The following MDN1 variants were observed in gnomAD, a reference collection of about 807,000 sequenced individuals.
MDN1 encodes midasin AAA ATPase 1.
In MDN1, 266 loss-of-function variants were observed where a neutral mutation model predicts 669.2. That is an observed-to-expected ratio of 0.40 (90% CI 0.36 to 0.44). The LOEUF (loss-of-function observed/expected upper bound fraction) is 0.44. Among genes scored for constraint, MDN1 ranks in the 20% least tolerant of loss-of-function variants. The probability of loss-of-function intolerance (pLI) is 1.00; values close to 1 mark genes in which losing one functional copy is unlikely to be tolerated. For synonymous variants in MDN1, 2,385 were observed against 2,457.1 expected, an observed-to-expected ratio of 0.97 and a Z score of 0.87; for missense variants, 5,940 against 6,754.0, an observed-to-expected ratio of 0.88 and a Z score of 4.22.
intron 84 of MDN1, 60 bp downstream of exon 84, chr6:89,667,954 T>C (rs1810378660): frequency 6.3e-7 from 1 of 1,583,630 alleles, no homozygotes; most frequent in Non-Finnish European, 8.6e-7. Context: ...ATGTGTAACT[T>C]ACATGTTGAA....
At chr6:89,781,353 AAAAAAAAAAGAAAGAAAG>A (rs1818661970) in intron 10 of MDN1, 28 bp downstream of exon 10, 1 of 1,113,100 alleles carries the variant, frequency 9.0e-7, no homozygotes, top group Non-Finnish European at 1.3e-6. Context: ...TCTGTCTCAC[AAAAAAAAAAGAAAGAAAG>A]AAAAGAAAAA....
At chr6:89,731,439 A>G (rs1815585939) in intron 34 of MDN1, among the ~76,000 whole-genome samples, 4 of 152,204 alleles carry the variant, frequency 2.6e-5, no homozygotes, top group Admixed American at 2.6e-4. Context: ...GCCATAAAAA[A>G]TAAGTGCATG....
At chr6:89,739,614 T>C (rs1435044871) in intron 32 of MDN1, among the ~76,000 whole-genome samples, 1 of 152,222 alleles carries the variant, frequency 6.6e-6, no homozygotes, top group Non-Finnish European at 1.5e-5. Context: ...CACATAGTGC[T>C]GACTTCTCCA....
intron 22 of MDN1, 88 bp from the exon 23 acceptor site, chr6:89,751,670 A>G (rs1189306975): frequency 1.4e-6 from 2 of 1,395,024 alleles, no homozygotes; most frequent in Non-Finnish European, 2.0e-6. Context: ...CACTTGTTGA[A>G]CAAGCTGTCT....
At chr6:89,749,045 T>C (rs544756342) in intron 26 of MDN1, among the ~76,000 whole-genome samples, 178 bp downstream of exon 26, 36 of 151,346 alleles carry the variant, frequency 2.4e-4, no homozygotes, top group South Asian at 8.3e-4. Context: ...GCCAGGAGAG[T>C]AGAGTGAGAC....
In MDN1 at chr6:89,672,706, G is replaced by C. The variant is rs1397404664; in HGVS notation, c.13475-4C>G. On this transcript the variant is annotated splice_region_variant and splice_polypyrimidine_tract_variant and intron_variant, in intron 80 of 101. Transcript: ENST00000369393. ...CCTTCGTCCAACATTTGATTTCCTA[G>C]CAGGTAACATGGTGCAAAACAAACA... 6 of 1,613,102 alleles carry C rather than the reference G, an allele frequency of 3.7e-6. No individual in the cohort carries two copies. The highest frequency in any genetic ancestry group is 3.3e-5 in the South Asian group (3 of 90,992).
chr6:89,652,927 T>C, intron 94 of MDN1, 65 bp downstream of exon 94: 2 of 1,497,536 alleles, frequency 1.3e-6, no homozygotes, highest in Non-Finnish European at 1.8e-6. Flanking sequence ...TTAAAACCAG[T>C]TTAAAATTTT....
chr6:89,769,753 A>T (rs1187494228), intron 15 of MDN1, among the ~76,000 whole-genome samples: 1 of 152,220 alleles, frequency 6.6e-6, no homozygotes, highest in Non-Finnish European at 1.5e-5. Flanking sequence ...CGTGTCATCA[A>T]TTTGCATCAC....
At chr6:89,817,673 T>A (rs1047454467) in intron 1 of MDN1, among the ~76,000 whole-genome samples, 3 of 152,042 alleles carry the variant, frequency 2.0e-5, no homozygotes, top group Non-Finnish European at 4.4e-5. Context: ...ACAACAGACA[T>A]TAACAACGGG....
intron 2 of MDN1, among the ~76,000 whole-genome samples, chr6:89,795,692 AC>A (rs57600100): frequency 0.043 from 6,528 of 152,192 alleles, 628 homozygotes; most frequent in East Asian, 0.38. Flanking sequence ...GGTGGCTCAC[AC>A]CCGTAATCCC....
chr6:89,688,934 C>A (rs1318470017), intron 65 of MDN1, 126 bp from the exon 66 acceptor site: 2 of 743,072 alleles, frequency 2.7e-6, no homozygotes, highest in Non-Finnish European at 4.4e-6. Flanking sequence ...CTTTGGGGAG[C>A]CGAGGCAGGC....
chr6:89,756,280 A>G lies in MDN1; in HGVS notation c.2813T>C (p.Ile938Thr), dbSNP rs777857519. ...AGACATACAAAAGGGAACCTACTTT[A>G]TGATTCCTTGCACTGTATTCTTGTT... ...SVNKNTVQGI[I>T]NFYTALRKES... Residue 938 changes from isoleucine to threonine, a missense_variant, in exon 20 of 102, where the codon ATA (isoleucine) becomes ACA (threonine). Transcript: ENST00000369393. 6.6e-7 allele frequency: 1 copy of G among 1,509,658 alleles called. No homozygotes were observed. The allele number at this position is 1,509,658 out of a possible 1,614,324, so 93.5% of individuals were successfully genotyped here. A position where few individuals can be genotyped will look rare whatever the true frequency, so the allele number is the denominator to read the frequency against.
In MDN1 at chr6:89,749,288, G is replaced by C; in HGVS notation, c.3697C>G (p.His1233Asp). The change falls in exon 26 of 102, where the codon CAC (histidine) becomes GAC (aspartate). Residue 1233 changes from histidine to aspartate, a missense_variant. By Grantham distance (81) the His-to-Asp change is moderately conservative. Transcript: ENST00000369393. ...LPSSELETIL[H>D]KRCSLPPSYC... is the part of the protein sequence containing the mutation. ...GAGGGTGGCAAACTACACCGCTTGTGCAAGATTGTTTCCAACTCGGAGCTA... is the reference window on the plus strand; with the variant it reads ...GAGGGTGGCAAACTACACCGCTTGTCCAAGATTGTTTCCAACTCGGAGCTA... 6.2e-7 allele frequency: 1 copy of C among 1,614,066 alleles called. No individual in the cohort carries two copies. The highest frequency in any genetic ancestry group is 8.5e-7 in the Non-Finnish European group (1 of 1,179,988).
Position 89,749,754 on chromosome 6 carries a change from A to G in MDN1, c.3407-3T>C, listed in dbSNP as rs1009136284. The G allele has an allele frequency of 1.9e-6, 3 of 1,595,904 alleles. No homozygotes were observed. The highest frequency in any genetic ancestry group is 2.6e-6 in the Non-Finnish European group (3 of 1,163,588). ...TCTCATGGCATCAATAAGAACACCT[A>G]GGAAGAAACAAACAGCAAGAACTAG... On this transcript the variant is annotated splice_polypyrimidine_tract_variant and splice_region_variant and intron_variant, in intron 24 of 101. Coordinates refer to ENST00000369393, the MANE Select transcript of MDN1 (RefSeq NM_014611.3).
rs1326446208 is a variant in MDN1, at chr6:89,749,338, A to C, written c.3647T>G (p.Val1216Gly). 1.9e-6 allele frequency: 3 copies of C among 1,614,196 alleles called. No individual in the cohort carries two copies. The highest frequency in any genetic ancestry group is 2.5e-6 in the Non-Finnish European group (3 of 1,180,026). ...AGGTAACTCATCAAAGTGCAATTCC[A>C]CAAACCGATTCCTGAAGGCTCTAGA... is the stretch of plus-strand genomic sequence containing the variant. ...VLSRAFRNRF[V>G]ELHFDELPSS... is the part of the protein sequence containing the mutation. Residue 1216 changes from valine (V) to glycine (G), a missense_variant, in exon 26 of 102, where the codon GTG (valine) becomes GGG (glycine). This residue lies in a region of MDN1 where 2,292 missense variants were observed against 2,638.3 expected (regional missense o/e 0.87). Transcript: ENST00000369393.
At position 89,758,573 on chromosome 6, in the gene MDN1, GTTATT is replaced by G. The variant is rs144279186; in HGVS notation, c.2606-227_2606-223del. On this transcript the variant is annotated intron_variant, in intron 18 of 101. Coordinates refer to ENST00000369393, the MANE Select transcript of MDN1 (RefSeq NM_014611.3). ...TTTATCTTTTATCAACCATTCACCT[GTTATT>G]TTATAAGTGTGTCTATTATCCACAA... 7.4e-3 allele frequency among the ~76,000 whole-genome samples: 1,127 copies of G among 152,218 alleles called. 25 individuals are homozygous for G. Among genetic ancestry groups the G allele is most frequent in the African/African-American group, 0.026 (1,070 of 41,512 alleles).
At position 89,730,675 on chromosome 6, in the gene MDN1, T is replaced by C. The variant is rs776109941; in HGVS notation, c.5140+51A>G. On this transcript the variant is annotated intron_variant, in intron 35 of 101. Coordinates refer to ENST00000369393, the MANE Select transcript of MDN1 (RefSeq NM_014611.3). The stretch of plus-strand genomic sequence containing the variant: ...AAACTAAGTCACAATAAAAGCCAAG[T>C]ATCTATGATCTATAGAAAAGGAAAA... 32 of 1,454,874 alleles carry C rather than the reference T, an allele frequency of 2.2e-5. No individual in the cohort carries two copies. In the South Asian group the frequency reaches 3.6e-4, roughly 17 times the overall value. The allele number at this position is 1,454,874 out of a possible 1,614,324, so 90.1% of individuals were successfully genotyped here. A position where few individuals can be genotyped will look rare whatever the true frequency, so the allele number is the denominator to read the frequency against.
chr6:89,655,975 A>G lies in MDN1; in HGVS notation c.15286-7T>C, dbSNP rs772550250. On this transcript the variant is annotated splice_polypyrimidine_tract_variant and splice_region_variant and intron_variant, in intron 91 of 101. Coordinates refer to ENST00000369393, the MANE Select transcript of MDN1 (RefSeq NM_014611.3). ...CAGGTTTCCTCTTAAAACTCTGAGA[A>G]ATACAAGGAAATTCATCAGAGCCTT... 1 of 1,611,882 alleles carries G rather than the reference A, an allele frequency of 6.2e-7. No homozygotes were observed. Among genetic ancestry groups the G allele is most frequent in the Admixed American group, 1.7e-5 (1 of 59,948 alleles).
At position 89,677,625 on chromosome 6, in the gene MDN1, A is replaced by G; in HGVS notation, c.12484T>C (p.Leu4162=). The change falls in exon 76 of 102, where the codon TTA becomes CTA. Residue 4162 remains leucine (L), a synonymous_variant. Coordinates refer to ENST00000369393, the MANE Select transcript of MDN1 (RefSeq NM_014611.3). ...ATGGACAATGCGCTCTGGAGATCTA[A>G]TGGGTGAAGATGAAGCATCTCTTGA... ...NPQEMLHLHP[L]DLQSALSIVS... The G allele has an allele frequency of 1.2e-6, 2 of 1,614,186 alleles. No homozygotes were observed.
Sources: gnomAD v4.1 joint callset for allele counts (sites outside exome capture counted in the v4.1 genomes callset) on GRCh38, gnomAD v4.1.1 for gene constraint, gnomAD v4.1.1 regional missense constraint, MANE v1.5 for transcripts, NCBI Gene and HGNC (gene_info 2026-07-23, HGNC 2026-07-21) for gene names.